Variants in ATG4B observed in about 807,000 individuals in gnomAD.
ATG4B encodes the protein autophagy related 4B cysteine peptidase.
In ATG4B, 29 loss-of-function variants were observed where a neutral mutation model predicts 56.6. That is an observed-to-expected ratio of 0.51 (90% CI 0.38 to 0.70). The LOEUF (loss-of-function observed/expected upper bound fraction) is 0.70, where lower values mean the gene tolerates loss of function less well. Ranked by LOEUF, ATG4B falls within the 30% of genes least tolerant of loss-of-function variation. ATG4B has a pLI of 0.00. For missense variants in ATG4B, 461 were observed against 515.5 expected (o/e 0.89, Z 1.02); for synonymous variants, 224 against 206.1 (o/e 1.09, Z -0.74).
chr2:241,649,388 C>T (rs2068162465), intron 1 of ATG4B, among the ~76,000 whole-genome samples: 2 of 152,314 alleles, frequency 1.3e-5, no homozygotes, highest in South Asian at 4.1e-4. Context: ...TTATGATTAG[C>T]ATATGTCATT....
intron 1 of ATG4B, among the ~76,000 whole-genome samples, 185 bp from the exon 2 acceptor site, chr2:241,650,825 C>G (rs1470734770): frequency 6.6e-6 from 1 of 152,086 alleles, no homozygotes; most frequent in Admixed American, 6.5e-5. Context: ...GCCTCCTTCT[C>G]TTTCCTAAGA....
intron 1 of ATG4B, among the ~76,000 whole-genome samples, chr2:241,648,006 C>T (rs1388847006): frequency 2.0e-5 from 3 of 152,108 alleles, no homozygotes; most frequent in East Asian, 1.9e-4. Flanking sequence ...CCCAGCTACT[C>T]GGGAGGATGA....
At chr2:241,641,419 G>A (rs191875091) in intron 1 of ATG4B, among the ~76,000 whole-genome samples, 98 of 152,100 alleles carry the variant, frequency 6.4e-4, no homozygotes, top group Middle Eastern at 6.8e-3. Flanking sequence ...GCATAGTGGC[G>A]GGCGCCTGTG....
intron 1 of ATG4B, 28 bp downstream of exon 1, chr2:241,637,752 C>T (rs1342479806): frequency 1.9e-6 from 3 of 1,568,596 alleles, no homozygotes; most frequent in African/African-American, 1.4e-5. Context: ...GTCGGTCTTT[C>T]CGCAGGAGGT....
chr2:241,647,149 A>G (rs945153407), intron 1 of ATG4B, among the ~76,000 whole-genome samples: 1 of 152,218 alleles, frequency 6.6e-6, no homozygotes, highest in Non-Finnish European at 1.5e-5. Context: ...TCCCATCCTA[A>G]TTAAGGAACA....
At chr2:241,645,471 T>A (rs2068035214) in intron 1 of ATG4B, among the ~76,000 whole-genome samples, 2 of 152,218 alleles carry the variant, frequency 1.3e-5, no homozygotes, top group African/African-American at 2.4e-5. Flanking sequence ...TCCATGCCGG[T>A]TCGTGACTGC....
intron 1 of ATG4B, among the ~76,000 whole-genome samples, chr2:241,649,248 G>A (rs1166530455): frequency 1.3e-5 from 2 of 152,196 alleles, no homozygotes; most frequent in East Asian, 3.8e-4. Context: ...TGTTTATGTA[G>A]AATGCTGAGG....
intron 7 of ATG4B, among the ~76,000 whole-genome samples, chr2:241,660,705 C>A (rs574414322): frequency 1.3e-5 from 2 of 151,950 alleles, no homozygotes; most frequent in Non-Finnish European, 2.9e-5. Context: ...CAAAAACTTA[C>A]ATAGTTTCCT....
intron 7 of ATG4B, among the ~76,000 whole-genome samples, chr2:241,665,799 G>A (rs910077504): frequency 2.6e-5 from 4 of 152,186 alleles, no homozygotes; most frequent in Non-Finnish European, 4.4e-5. Context: ...TTCCTTTCAC[G>A]TTTATTGGTT....
intron 6 of ATG4B, among the ~76,000 whole-genome samples, chr2:241,655,842 T>C (rs1301100886): frequency 1.3e-5 from 2 of 152,158 alleles, no homozygotes; most frequent in African/African-American, 4.8e-5. Context: ...TCAGCCCCAT[T>C]GCGTGCCCGC....
intron 5 of ATG4B, chr2:241,655,019 CTG>C (rs2068351531): frequency 1.7e-6 from 1 of 581,512 alleles, no homozygotes. Flanking sequence ...CTTTTGAGCA[CTG>C]TGTTTTCACT....
chr2:241,669,621 C>T (rs933145063), intron 10 of ATG4B, among the ~76,000 whole-genome samples: 6 of 152,342 alleles, frequency 3.9e-5, no homozygotes, highest in African/African-American at 1.4e-4. Flanking sequence ...CATTCTCCTG[C>T]CTCAGCCTCT....
chr2:241,637,853 G>A, intron 1 of ATG4B, 129 bp downstream of exon 1: 4 of 1,103,682 alleles, frequency 3.6e-6, no homozygotes, highest in Non-Finnish European at 4.7e-6. Context: ...GGCCGGGGCG[G>A]CGGGCGCTGC....
chr2:241,668,897 C>T lies in ATG4B; in HGVS notation c.957+212C>T, dbSNP rs2068865477. The stretch of plus-strand genomic sequence containing the variant: ...CAGGCACCACCTCCTGTGCAGCCTT[C>T]ATGGCCTTCGAGTGGCCCAGAGAGC... On this transcript the variant is annotated intron_variant, in intron 10 of 12. Coordinates refer to ENST00000404914, the MANE Select transcript of ATG4B (RefSeq NM_013325.5). This position sits in a 1 kb window ranked among gnomAD's most constrained non-coding sequence, Gnocchi z 4.2. 3 of 671,886 alleles carry T rather than the reference C, an allele frequency of 4.5e-6. No homozygotes were observed. Among genetic ancestry groups the T allele is most frequent in the African/African-American group, 3.6e-5 (2 of 55,102 alleles). The allele number at this position is 671,886 out of a possible 1,614,324, so 41.6% of individuals were successfully genotyped here.
rs1386473017 is a variant in ATG4B at position 241,673,265 on chromosome 2, G to A, written c.*1001G>A. On this transcript the variant is annotated 3_prime_UTR_variant, in exon 13 of 13. Transcript: ENST00000404914. ...ACCTGGTGGCATTTCCAGAACCTCAGCCCCGATTCCAGCACCCACCACCGC... is the reference window on the plus strand; with the variant it reads ...ACCTGGTGGCATTTCCAGAACCTCAACCCCGATTCCAGCACCCACCACCGC... The A allele has an allele frequency of 9.1e-6, 3 of 328,410 alleles. No homozygotes were observed. The highest frequency in any genetic ancestry group is 2.4e-5 in the South Asian group (1 of 41,048). The allele number at this position is 328,410 out of a possible 1,614,324, so 20.3% of individuals were successfully genotyped here.
intron 11 of ATG4B, 127 bp downstream of exon 11, chr2:241,670,909 C>G: frequency 1.0e-6 from 1 of 999,020 alleles, no homozygotes; most frequent in African/African-American, 1.6e-5. Context: ...GAGCTTTGTC[C>G]CGCCTGGCAC....
At position 241,654,600 on chromosome 2, in the gene ATG4B, A is replaced by G. The variant is rs201801584; in HGVS notation, c.338A>G (p.Asn113Ser). ...RQPDSYFSVLNAFIDRKDSYY... is the reference protein window; with the variant it reads ...RQPDSYFSVLSAFIDRKDSYY... The stretch of plus-strand genomic sequence containing the variant: ...CCAGACAGCTACTTCAGCGTCCTCA[A>G]CGCATTCATCGACAGGAAGGACAGT... The change falls in exon 5 of 13, where the codon AAC (asparagine) becomes AGC (serine). Residue 113 changes from asparagine (N) to serine (S), a missense_variant. Asn to Ser is a conservative substitution (Grantham distance 46). Coordinates refer to ENST00000404914, the MANE Select transcript of ATG4B (RefSeq NM_013325.5). The G allele has an allele frequency of 6.5e-5, 104 of 1,604,008 alleles. No individual in the cohort carries two copies. The highest frequency in any genetic ancestry group is 6.8e-5 in the Non-Finnish European group (80 of 1,175,274).
Position 241,643,364 on chromosome 2 carries a change from A to ATTTT in ATG4B, c.10+5659_10+5662dup, listed in dbSNP as rs71049595. On this transcript the variant is annotated intron_variant, in intron 1 of 12. Coordinates refer to ENST00000404914, the MANE Select transcript of ATG4B (RefSeq NM_013325.5). ...AGACTACAGATGTCCACGCCTAGCT[A>ATTTT]TTTTTTTTTTTTTTTTTTTTTTAAG... is the stretch of plus-strand genomic sequence containing the variant. 5.3e-4 allele frequency among the ~76,000 whole-genome samples: 58 copies of ATTTT among 109,766 alleles called. 1 individual carries two copies. The highest frequency in any genetic ancestry group is 4.1e-4 in the Admixed American group (4 of 9,648). 72.0% of individuals were successfully genotyped at this position (109,766 alleles called of 152,430 possible).
intron 10 of ATG4B, among the ~76,000 whole-genome samples, chr2:241,669,663 A>C (rs113567142): frequency 0.2 from 29,953 of 151,978 alleles, 3,269 homozygotes; most frequent in East Asian, 0.28. Flanking sequence ...ACCCGCCACC[A>C]CGCCTGGCTA....
Sources: gnomAD v4.1 joint callset for allele counts (sites outside exome capture counted in the v4.1 genomes callset) on GRCh38, gnomAD v4.1.1 for gene constraint, Gnocchi (gnomAD v3.1) non-coding constraint, MANE v1.5 for transcripts, NCBI Gene and HGNC (gene_info 2026-07-23, HGNC 2026-07-21) for gene names.